The following AGBL4 variants were observed in gnomAD, a reference collection of about 807,000 sequenced individuals.
The protein encoded by AGBL4 is AGBL carboxypeptidase 4, also known as cytosolic carboxypeptidase 6.
A neutral mutation model predicts 66.4 loss-of-function variants in AGBL4; 58 were observed. That is an observed-to-expected ratio of 0.87 (90% confidence interval 0.71 to 1.09). AGBL4 has a LOEUF of 1.09. Ranked by LOEUF, AGBL4 falls within the 50% of genes least tolerant of loss-of-function variation. The pLI, the probability that AGBL4 is intolerant of heterozygous loss-of-function variation, is 0.00. For missense variants in AGBL4, 579 were observed against 631.0 expected (o/e 0.92, Z 0.88); for synonymous variants, 234 against 222.9 (o/e 1.05, Z -0.44).
intron 4 of AGBL4, among the ~76,000 whole-genome samples, chr1:49,103,073 C>T (rs952900001): frequency 1.3e-5 from 2 of 152,334 alleles, no homozygotes; most frequent in Non-Finnish European, 2.9e-5. Context: ...GCATAAACCA[C>T]TTCCCTGGTA....
At chr1:48,690,671 AGTAGAAAAGCC>A (rs1646615556) in intron 6 of AGBL4, among the ~76,000 whole-genome samples, 1 of 152,086 alleles carries the variant, frequency 6.6e-6, no homozygotes, top group Non-Finnish European at 1.5e-5. Flanking sequence ...ATAGGACGTA[AGTAGAAAAGCC>A]TCATTTGAAC....
At chr1:48,727,012 C>G (rs1315426001) in intron 6 of AGBL4, among the ~76,000 whole-genome samples, 1 of 152,230 alleles carries the variant, frequency 6.6e-6, no homozygotes, top group East Asian at 1.9e-4. Context: ...ACAGGCATTA[C>G]AGAAAGCAAA....
intron 6 of AGBL4, among the ~76,000 whole-genome samples, chr1:48,706,752 T>C (rs146731646): frequency 1.3e-5 from 2 of 152,222 alleles, no homozygotes; most frequent in African/African-American, 4.8e-5. Flanking sequence ...CATCAATGAC[T>C]AAATGATGAG....
chr1:49,205,274 A>C (rs1648041136), intron 4 of AGBL4, among the ~76,000 whole-genome samples: 1 of 152,058 alleles, frequency 6.6e-6, no homozygotes. Flanking sequence ...GGCAGCATAG[A>C]ATCTTTCCTT....
At chr1:49,624,958 C>T (rs1385044432) in intron 3 of AGBL4, among the ~76,000 whole-genome samples, 2 of 152,002 alleles carry the variant, frequency 1.3e-5, no homozygotes, top group African/African-American at 4.8e-5. Context: ...AGTTTTTAAC[C>T]CACATAAAGA....
At chr1:48,591,854 T>C (rs1290378054) in intron 9 of AGBL4, among the ~76,000 whole-genome samples, 1 of 152,214 alleles carries the variant, frequency 6.6e-6, no homozygotes, top group Admixed American at 6.5e-5. Flanking sequence ...ATGGTATTAT[T>C]TGTTAGCCTT....
At chr1:49,546,031 C>T (rs924015623) in intron 3 of AGBL4, among the ~76,000 whole-genome samples, 2 of 152,098 alleles carry the variant, frequency 1.3e-5, no homozygotes, top group Non-Finnish European at 2.9e-5. Flanking sequence ...CCTTGCCTCC[C>T]TCCCACTTTT....
intron 5 of AGBL4, among the ~76,000 whole-genome samples, chr1:48,895,645 G>A (rs1306359867): frequency 6.6e-6 from 1 of 152,124 alleles, no homozygotes; most frequent in Non-Finnish European, 1.5e-5. Flanking sequence ...TCCTTTATTG[G>A]CCAACTGGAG....
At position 49,218,800 on chromosome 1, in the gene AGBL4, G is replaced by A. The variant is rs181636071; in HGVS notation, c.377+26970C>T. ...GTGTCATGGGAGGGACACAGCGGGA[G>A]GTAACTGAATCATTGGGGCAGGTCT... On this transcript the variant is annotated intron_variant, in intron 4 of 13. Transcript: ENST00000371839. Among the ~76,000 whole-genome samples the A allele has an allele frequency of 3.3e-5, 5 of 152,180 alleles. No homozygotes were observed. The East Asian group carries it at 9.7e-4, about 29-fold the overall frequency.
chr1:49,838,722 A>C (rs1453277373), intron 2 of AGBL4, among the ~76,000 whole-genome samples: 1 of 152,258 alleles, frequency 6.6e-6, no homozygotes, highest in Non-Finnish European at 1.5e-5. Context: ...AATAACAGTA[A>C]GTAAAAAGTA....
chr1:49,209,819 A>T (rs903478599), intron 4 of AGBL4, among the ~76,000 whole-genome samples: 8 of 152,138 alleles, frequency 5.3e-5, no homozygotes, highest in African/African-American at 1.2e-4. Context: ...TCATACTAAC[A>T]CTAGATGGAA....
chr1:49,751,611 G>A (rs558303903), intron 2 of AGBL4, among the ~76,000 whole-genome samples: 2 of 152,292 alleles, frequency 1.3e-5, no homozygotes, highest in South Asian at 2.1e-4. Context: ...AATTAGGGAG[G>A]AGTACCTCTT....
chr1:48,915,529 C>T (rs1159234689), intron 5 of AGBL4, among the ~76,000 whole-genome samples: 1 of 152,166 alleles, frequency 6.6e-6, no homozygotes, highest in Admixed American at 6.5e-5. Flanking sequence ...ACTGTGATAT[C>T]ACCAATATGT....
At chr1:48,573,696 C>CTCTTAGGAAT (rs1644604690) in intron 11 of AGBL4, among the ~76,000 whole-genome samples, 1 of 152,160 alleles carries the variant, frequency 6.6e-6, no homozygotes, top group East Asian at 1.9e-4. Context: ...TCTTAAGAAC[C>CTCTTAGGAAT]CTTCATGGAA....
chr1:49,915,709 T>A (rs1369814902), intron 1 of AGBL4, among the ~76,000 whole-genome samples: 1 of 152,166 alleles, frequency 6.6e-6, no homozygotes, highest in Non-Finnish European at 1.5e-5. Context: ...GATTTAAATG[T>A]CCCTGTCTGA....
At chr1:49,441,630 T>C (rs1421761213) in intron 3 of AGBL4, among the ~76,000 whole-genome samples, 1 of 152,196 alleles carries the variant, frequency 6.6e-6, no homozygotes, top group African/African-American at 2.4e-5. Flanking sequence ...CCTGCATCTT[T>C]GAAGAGCCCT....
intron 2 of AGBL4, among the ~76,000 whole-genome samples, chr1:49,847,152 A>G (rs1253582890): frequency 6.6e-6 from 1 of 152,176 alleles, no homozygotes; most frequent in African/African-American, 2.4e-5. Flanking sequence ...CTACACATAC[A>G]TTGGGAAGAG....
intron 1 of AGBL4, among the ~76,000 whole-genome samples, chr1:49,979,109 T>C (rs1056606386): frequency 3.3e-5 from 5 of 152,244 alleles, no homozygotes; most frequent in Non-Finnish European, 7.3e-5. Context: ...CAAGTATCTT[T>C]TATAATTTAC....
At chr1:48,793,905 G>T (rs1240791800) in intron 6 of AGBL4, among the ~76,000 whole-genome samples, 3 of 152,122 alleles carry the variant, frequency 2.0e-5, no homozygotes. Flanking sequence ...CGACCCTGGT[G>T]GTCAAGAAGC....
Sources: gnomAD v4.1 joint callset for allele counts (sites outside exome capture counted in the v4.1 genomes callset) on GRCh38, gnomAD v4.1.1 for gene constraint, MANE v1.5 for transcripts, NCBI Gene and HGNC (gene_info 2026-07-23, HGNC 2026-07-21) for gene names.